NDUFS1: variants seen among roughly 807,000 people sequenced by gnomAD.
NDUFS1 encodes the protein NADH:ubiquinone oxidoreductase core subunit S1, also known as NADH-ubiquinone oxidoreductase 75 kDa subunit, mitochondrial.
Under a neutral mutation model 84.4 loss-of-function variants are expected in NDUFS1, and 61 were observed. That is an observed-to-expected ratio of 0.72 (90% CI 0.59 to 0.89). NDUFS1 has a LOEUF of 0.89. NDUFS1 is among the 40% of genes least tolerant of loss of function. The probability of loss-of-function intolerance (pLI) is 0.00; values close to 1 mark genes in which losing one functional copy is unlikely to be tolerated. For synonymous variants in NDUFS1, 275 were observed against 290.0 expected, an observed-to-expected ratio of 0.95 and a Z score of 0.53; for missense variants, 891 against 890.0, an observed-to-expected ratio of 1.00 and a Z score of -0.01.
intron 18 of NDUFS1, among the ~76,000 whole-genome samples, chr2:206,125,004 A>C (rs1262850344): frequency 6.6e-6 from 1 of 152,112 alleles, no homozygotes; most frequent in Non-Finnish European, 1.5e-5. Context: ...CCCCCAAGTG[A>C]ATAATCTCAC....
intron 15 of NDUFS1, 36 bp downstream of exon 15, chr2:206,130,052 C>CG (rs781111811): frequency 8.1e-5 from 131 of 1,610,674 alleles, no homozygotes; most frequent in Non-Finnish European, 1.1e-4. Flanking sequence ...TAATGTACTA[C>CG]TCTCTTTTGT....
chr2:206,139,059 C>T (rs1295053854), intron 12 of NDUFS1, among the ~76,000 whole-genome samples: 9 of 150,272 alleles, frequency 6.0e-5, no homozygotes, highest in East Asian at 5.9e-4. Context: ...GAGGTTGCAG[C>T]GAGCTGAGAT....
chr2:206,120,857 C>T lies in NDUFS1; in HGVS notation c.*3328G>A, dbSNP rs1020527723. The T allele has an allele frequency of 1.3e-5, 2 of 152,222 alleles. No homozygotes were observed. Among genetic ancestry groups the T allele is most frequent in the African/African-American group, 4.8e-5 (2 of 41,452 alleles). 9.4% of individuals were successfully genotyped at this position (152,222 alleles called of 1,614,324 possible). A position where few individuals can be genotyped will look rare whatever the true frequency, so the allele number is the denominator to read the frequency against. On this transcript the variant is annotated 3_prime_UTR_variant, in exon 19 of 19. Transcript: ENST00000233190. ...GTCCATGCTGGACTCAACTCATTTG[C>T]TCAAGCAATCCTTGTGCCTCAGCCT...
At position 206,142,119 on chromosome 2, in the gene NDUFS1, C is replaced by G. The variant is rs1305815127; in HGVS notation, c.1134-50G>C. ...AAATTTACTTTAAAATTAAGACATA[C>G]AGAGAATCCATGAAATATTCTCCTA... is the stretch of plus-strand genomic sequence containing the variant. On this transcript the variant is annotated intron_variant, in intron 11 of 18. Coordinates refer to ENST00000233190, the MANE Select transcript of NDUFS1 (RefSeq NM_005006.7). 6 of 1,480,310 alleles carry G rather than the reference C, an allele frequency of 4.1e-6. No homozygotes were observed. In the South Asian group the frequency reaches 6.9e-5, roughly 17 times the overall value. 91.7% of individuals were successfully genotyped at this position (1,480,310 alleles called of 1,614,324 possible). A position where few individuals can be genotyped will look rare whatever the true frequency, so the allele number is the denominator to read the frequency against.
intron 14 of NDUFS1, 112 bp downstream of exon 14, chr2:206,132,833 G>A (rs1042861699): frequency 8.6e-6 from 8 of 934,058 alleles, no homozygotes; most frequent in Admixed American, 8.3e-5. Flanking sequence ...GTGTAACTGG[G>A]ATAATGTTGC....
chr2:206,126,977 C>T, intron 16 of NDUFS1, 133 bp from the exon 17 acceptor site: 2 of 1,092,772 alleles, frequency 1.8e-6, no homozygotes, highest in Non-Finnish European at 2.7e-6. Flanking sequence ...AGTAGACATA[C>T]ATTTATGAAG....
At position 206,115,019 on chromosome 2, in the gene NDUFS1, T is replaced by A. The variant is rs567102421; in HGVS notation, c.*9166A>T. Reference sequence around the variant, plus strand: ...TTCATTTTATGATTATACAAAAAAATTTTTCAGCAGTTCCCTATTGATGGA... The same window carrying A: ...TTCATTTTATGATTATACAAAAAAAATTTTCAGCAGTTCCCTATTGATGGA... On this transcript the variant is annotated 3_prime_UTR_variant, in exon 19 of 19. Transcript: ENST00000233190. 7.2e-5 allele frequency: 11 copies of A among 152,340 alleles called. No individual in the cohort carries two copies. Among genetic ancestry groups the A allele is most frequent in the African/African-American group, 2.6e-4 (11 of 41,582 alleles). The allele number at this position is 152,340 out of a possible 1,614,324, so 9.4% of individuals were successfully genotyped here.
At chr2:206,133,170 T>C (rs1691582752) in intron 13 of NDUFS1, 65 bp from the exon 14 acceptor site, 4 of 1,362,120 alleles carry the variant, frequency 2.9e-6, no homozygotes, top group East Asian at 2.5e-5. Flanking sequence ...CCAAACCATA[T>C]TTGCCTCTAT....
rs191071967 is a variant in NDUFS1 at position 206,135,405 on chromosome 2, T to C, written c.1393-2300A>G. On this transcript the variant is annotated intron_variant, in intron 13 of 18. Coordinates refer to ENST00000233190, the MANE Select transcript of NDUFS1 (RefSeq NM_005006.7). ...CAAAACGTTCTCAGGCCAGGCACAG[T>C]GGCTCACGCCTGTAATCCCAGTACT... Among the ~76,000 whole-genome samples, 520 of 151,856 alleles carry C rather than the reference T, an allele frequency of 3.4e-3. 6 individuals carry two copies. Among genetic ancestry groups the C allele is most frequent in the African/African-American group, 0.012 (496 of 41,496 alleles).
chr2:206,136,882 A>T (rs1575964515), intron 13 of NDUFS1, among the ~76,000 whole-genome samples: 1 of 151,596 alleles, frequency 6.6e-6, no homozygotes, highest in South Asian at 2.1e-4. Context: ...CAGCCTCCTG[A>T]GTAGCTGGGA....
intron 18 of NDUFS1, among the ~76,000 whole-genome samples, chr2:206,126,065 C>T (rs1247558994): frequency 1.3e-5 from 2 of 152,086 alleles, no homozygotes; most frequent in Non-Finnish European, 2.9e-5. Flanking sequence ...TATTAACTAC[C>T]TCATAACCTA....
intron 14 of NDUFS1, 94 bp downstream of exon 14, chr2:206,132,851 T>G: frequency 8.6e-7 from 1 of 1,161,704 alleles, no homozygotes. Context: ...TGCTAAATGT[T>G]GTTTGTAAAT....
At chr2:206,128,995 C>T (rs1347633424) in intron 15 of NDUFS1, among the ~76,000 whole-genome samples, 1 of 151,900 alleles carries the variant, frequency 6.6e-6, no homozygotes, top group East Asian at 1.9e-4. Flanking sequence ...GACAGTAATA[C>T]TGAAAAAGGC....
chr2:206,126,104 G>T (rs1691282401), intron 18 of NDUFS1, among the ~76,000 whole-genome samples: 2 of 152,116 alleles, frequency 1.3e-5, no homozygotes, highest in Non-Finnish European at 2.9e-5. Flanking sequence ...CTAAGAATCT[G>T]CAATAAACAA....
intron 18 of NDUFS1, among the ~76,000 whole-genome samples, chr2:206,125,532 G>A (rs1347794789): frequency 2.0e-5 from 3 of 150,644 alleles, no homozygotes; most frequent in Non-Finnish European, 4.4e-5. Flanking sequence ...AATAACAATA[G>A]TTAATTAATA....
intron 10 of NDUFS1, among the ~76,000 whole-genome samples, 194 bp downstream of exon 10, chr2:206,143,824 T>A (rs918836788): frequency 5.9e-5 from 9 of 152,042 alleles, no homozygotes; most frequent in Admixed American, 5.2e-4. Context: ...GAATGATGTG[T>A]CTCTGGTCTT....
At chr2:206,142,146 C>A in intron 11 of NDUFS1, 77 bp from the exon 12 acceptor site, 1 of 1,304,060 alleles carries the variant, frequency 7.7e-7, no homozygotes, top group Non-Finnish European at 1.1e-6. Context: ...ATTCTCCTAT[C>A]ATCAAACCCA....
intron 13 of NDUFS1, among the ~76,000 whole-genome samples, chr2:206,136,428 TTTTTTTTTTG>T (rs1429218363): frequency 2.5e-5 from 3 of 122,318 alleles, no homozygotes; most frequent in African/African-American, 6.9e-5. Context: ...TAGTTGTTGG[TTTTTTTTTTG>T]TTTTTTTTTT....
chr2:206,126,764 TC>T lies in NDUFS1; in HGVS notation c.1964del (p.Arg655HisfsTer20). Reference sequence around the variant, plus strand: ...AATTAGCCCCTTCAATATCATCATATCGAACAAGATTAGGAGAGACTTCTTC... The same window carrying T: ...AATTAGCCCCTTCAATATCATCATATGAACAAGATTAGGAGAGACTTCTTC... Reference protein sequence around the residue: ...RLEEVSPNLVRYDDIEGANYF... With the variant: ...RLEEVSPNLVXYDDIEGANYF... On this transcript the variant is annotated frameshift_variant, in exon 17 of 19. Transcript: ENST00000233190. LOFTEE classifies it high-confidence loss of function. 1 of 1,614,178 alleles carries T rather than the reference TC, an allele frequency of 6.2e-7. No individual in the cohort carries two copies. The highest frequency in any genetic ancestry group is 8.5e-7 in the Non-Finnish European group (1 of 1,180,040).
Sources: gnomAD v4.1 joint callset for allele counts (sites outside exome capture counted in the v4.1 genomes callset) on GRCh38, gnomAD v4.1.1 for gene constraint, MANE v1.5 for transcripts, NCBI Gene and HGNC (gene_info 2026-07-23, HGNC 2026-07-21) for gene names.